The following HSD17B12 variants were observed in gnomAD, a reference collection of about 807,000 sequenced individuals.
The protein encoded by HSD17B12 is hydroxysteroid 17-beta dehydrogenase 12, also known as very-long-chain 3-oxoacyl-CoA reductase.
In HSD17B12, 32 loss-of-function variants were observed where a neutral mutation model predicts 39.3. The observed-to-expected ratio is 0.81, with a 90% CI of 0.61 to 1.09. The LOEUF (loss-of-function observed/expected upper bound fraction) is 1.09. HSD17B12 is among the 50% of genes least tolerant of loss of function. The pLI is 0.00. For synonymous variants in HSD17B12, 150 were observed against 146.7 expected, an observed-to-expected ratio of 1.02 and a Z score of -0.16; for missense variants, 342 against 382.9, an observed-to-expected ratio of 0.89 and a Z score of 0.89.
intron 1 of HSD17B12, among the ~76,000 whole-genome samples, chr11:43,748,014 A>G (rs1413943115): frequency 6.6e-6 from 1 of 152,210 alleles, no homozygotes; most frequent in Non-Finnish European, 1.5e-5. Flanking sequence ...TTTATCACAG[A>G]GAAAAGGAAG....
At chr11:43,582,602 C>T in the HSD17B12 span, among the ~76,000 whole-genome samples, 20 of 152,292 alleles carry the variant, frequency 1.3e-4, no homozygotes, top group South Asian at 3.7e-3. Context: ...GGCTGCGAAC[C>T]TTCACGTTTT....
chr11:43,668,698 A>G, the HSD17B12 span, among the ~76,000 whole-genome samples: 1 of 152,052 alleles, frequency 6.6e-6, no homozygotes, highest in African/African-American at 2.4e-5. Flanking sequence ...AGGTTTTTCA[A>G]TAATATTATT....
chr11:43,575,302 C>G, the HSD17B12 span, among the ~76,000 whole-genome samples: 1 of 152,198 alleles, frequency 6.6e-6, no homozygotes, highest in East Asian at 1.9e-4. This position sits in a 1 kb window ranked among gnomAD's most constrained non-coding sequence, Gnocchi z 4.1. Flanking sequence ...AAAAAGAGAG[C>G]AGGAGGGAGA....
At chr11:43,811,867 C>A (rs1951076374) in intron 4 of HSD17B12, among the ~76,000 whole-genome samples, 1 of 152,116 alleles carries the variant, frequency 6.6e-6, no homozygotes, top group Non-Finnish European at 1.5e-5. Context: ...TCATCCCTCA[C>A]CCACCCACAC....
At chr11:43,661,827 A>T in the HSD17B12 span, among the ~76,000 whole-genome samples, 61 of 152,216 alleles carry the variant, frequency 4.0e-4, no homozygotes, top group Non-Finnish European at 6.9e-4. Context: ...TTATATTGAA[A>T]TTATGATATG....
chr11:43,732,470 CTT>C (rs879763586), intron 1 of HSD17B12, among the ~76,000 whole-genome samples: 14 of 142,470 alleles, frequency 9.8e-5, no homozygotes, highest in Non-Finnish European at 6.2e-5. Context: ...AGCGGTGGAT[CTT>C]TTTTTTTTTT....
intron 1 of HSD17B12, among the ~76,000 whole-genome samples, chr11:43,746,139 G>C (rs948586821): frequency 1.3e-5 from 2 of 152,140 alleles, no homozygotes; most frequent in Non-Finnish European, 2.9e-5. Flanking sequence ...TGAAGGCCTA[G>C]GATATTACTG....
intron 1 of HSD17B12, among the ~76,000 whole-genome samples, chr11:43,715,890 G>T (rs1950117973): frequency 6.6e-6 from 1 of 152,096 alleles, no homozygotes; most frequent in African/African-American, 2.4e-5. Flanking sequence ...CTGATTTTAA[G>T]TCCTCCTGCT....
chr11:43,750,189 A>G (rs1950451974), intron 1 of HSD17B12, among the ~76,000 whole-genome samples: 1 of 151,898 alleles, frequency 6.6e-6, no homozygotes, highest in Non-Finnish European at 1.5e-5. Context: ...AAGATACAGA[A>G]TATTTCCTGT....
chr11:43,576,101 A>T, the HSD17B12 span, among the ~76,000 whole-genome samples: 13 of 152,152 alleles, frequency 8.5e-5, no homozygotes, highest in African/African-American at 3.1e-4. Context: ...ATCAATGGAG[A>T]CATGCAGCTC....
intron 3 of HSD17B12, among the ~76,000 whole-genome samples, chr11:43,777,321 C>A (rs1950716528): frequency 6.6e-6 from 1 of 152,158 alleles, no homozygotes; most frequent in African/African-American, 2.4e-5. Flanking sequence ...AGGTCCTTCA[C>A]ATCCCTTGTA....
chr11:43,601,000 C>T, the HSD17B12 span, among the ~76,000 whole-genome samples: 1 of 151,674 alleles, frequency 6.6e-6, no homozygotes, highest in African/African-American at 2.4e-5. Context: ...AAGTCCTTTC[C>T]ATATACATAT....
the HSD17B12 span, among the ~76,000 whole-genome samples, chr11:43,590,807 C>CT: frequency 0.012 from 1,489 of 125,410 alleles, 26 homozygotes; most frequent in African/African-American, 0.037. Context: ...CCCAGCTCGA[C>CT]TTTTTTTTTT....
intron 1 of HSD17B12, chr11:43,733,807 G>A: frequency 2.8e-6 from 2 of 715,574 alleles, no homozygotes; most frequent in Non-Finnish European, 5.0e-6. Flanking sequence ...CCTGGTCTTA[G>A]CCGTTGCAGG....
chr11:43,684,204 G>A (rs900332910), intron 1 of HSD17B12, among the ~76,000 whole-genome samples: 7 of 152,190 alleles, frequency 4.6e-5, no homozygotes, highest in South Asian at 2.1e-4. Flanking sequence ...GGTGGGTTTA[G>A]CCAATTTAGT....
At chr11:43,617,932 G>A in the HSD17B12 span, among the ~76,000 whole-genome samples, 1 of 152,286 alleles carries the variant, frequency 6.6e-6, no homozygotes, top group South Asian at 2.1e-4. Flanking sequence ...TGAAGATCCT[G>A]TTTGATTTGT....
chr11:43,729,080 A>T (rs1489694314), intron 1 of HSD17B12, among the ~76,000 whole-genome samples: 1 of 152,202 alleles, frequency 6.6e-6, no homozygotes, highest in Non-Finnish European at 1.5e-5. Flanking sequence ...GTGCTGCCAC[A>T]TACCAGCATC....
intron 3 of HSD17B12, among the ~76,000 whole-genome samples, chr11:43,772,712 T>G (rs1950661048): frequency 6.6e-6 from 1 of 152,332 alleles, no homozygotes; most frequent in South Asian, 2.1e-4. Flanking sequence ...GGTTACTTTT[T>G]CTTGAATAGA....
At chr11:43,774,400 A>G (rs1323677939) in intron 3 of HSD17B12, among the ~76,000 whole-genome samples, 1 of 151,992 alleles carries the variant, frequency 6.6e-6, no homozygotes, top group South Asian at 2.1e-4. Context: ...TTTTTAGTAG[A>G]GGCAGGGTTT....
Sources: gnomAD v4.1 joint callset for allele counts (sites outside exome capture counted in the v4.1 genomes callset) on GRCh38, gnomAD v4.1.1 for gene constraint, Gnocchi (gnomAD v3.1) non-coding constraint, MANE v1.5 for transcripts, NCBI Gene and HGNC (gene_info 2026-07-23, HGNC 2026-07-21) for gene names.